RAPSN: variants seen among roughly 807,000 people sequenced by gnomAD.
The protein encoded by RAPSN is receptor associated protein of the synapse.
RAPSN carries 33 observed loss-of-function variants against 45.7 expected under a neutral mutation model. The observed-to-expected ratio is 0.72, with a 90% CI of 0.55 to 0.97. RAPSN has a LOEUF of 0.97. Among genes scored for constraint, RAPSN ranks in the 50% least tolerant of loss-of-function variants. The pLI, the probability that RAPSN is intolerant of heterozygous loss-of-function variation, is 0.00. For synonymous variants in RAPSN, 244 were observed against 233.6 expected (o/e 1.04, Z -0.40); for missense variants, 519 against 559.4 (o/e 0.93, Z 0.73).
At chr11:47,442,345 G>C (rs780452896) in intron 3 of RAPSN, among the ~76,000 whole-genome samples, 1 of 152,178 alleles carries the variant, frequency 6.6e-6, no homozygotes, top group Non-Finnish European at 1.5e-5. Flanking sequence ...TTCAGCTGTA[G>C]AGAACTCATC....
intron 6 of RAPSN, 119 bp downstream of exon 6, chr11:47,441,040 C>A: frequency 7.7e-7 from 1 of 1,298,714 alleles, no homozygotes; most frequent in South Asian, 1.2e-5. Context: ...TGGCTGCAGG[C>A]AGCTCCCAGC....
intron 2 of RAPSN, among the ~76,000 whole-genome samples, chr11:47,447,403 G>A (rs2076415678): frequency 6.6e-6 from 1 of 152,182 alleles, no homozygotes; most frequent in African/African-American, 2.4e-5. Context: ...TTGGGATACA[G>A]TAGCTGGTCA....
rs2153311355 is a variant in RAPSN, at chr11:47,448,092, T to G, written c.251A>C (p.Glu84Ala). The stretch of plus-strand genomic sequence containing the variant: ...GCTGCGTGCCAGGTTCAGGTAGCTC[T>G]CCAGGAGGAAGTCGGCATCCTCCAG... ...RELEDADFLL[E>A]SYLNLARSNE... The change falls in exon 2 of 8, where the codon GAG becomes GCG. Residue 84 changes from glutamate (E) to alanine (A), a missense_variant. Coordinates refer to ENST00000298854, the MANE Select transcript of RAPSN (RefSeq NM_005055.5). 6.2e-7 allele frequency: 1 copy of G among 1,613,908 alleles called. No homozygotes were observed. The highest frequency in any genetic ancestry group is 2.2e-5 in the East Asian group (1 of 44,876).
At chr11:47,438,969 G>T in intron 6 of RAPSN, 38 bp from the exon 7 acceptor site, 1 of 1,545,196 alleles carries the variant, frequency 6.5e-7, no homozygotes, top group South Asian at 1.2e-5. Flanking sequence ...AGTGGGGGAT[G>T]AGAACAAAGT....
chr11:47,448,132 C>A lies in RAPSN; in HGVS notation c.211G>T (p.Asp71Tyr). 6.2e-7 allele frequency: 1 copy of A among 1,612,304 alleles called. No homozygotes were observed. Among genetic ancestry groups the A allele is most frequent in the South Asian group, 1.1e-5 (1 of 91,054 alleles). The stretch of plus-strand genomic sequence containing the variant: ...GCATCCTCCAGCTCCCGGGCCGTGT[C>A]GATCTGGACCACAGCGAACTGCACA... ...EMLKFAVVQI[D>Y]TARELEDADF... Residue 71 changes from aspartate (D) to tyrosine (Y), a missense_variant, in exon 2 of 8, where the codon GAC becomes TAC. By Grantham distance (160) the Asp-to-Tyr change is radical. Coordinates refer to ENST00000298854, the MANE Select transcript of RAPSN (RefSeq NM_005055.5).
intron 2 of RAPSN, among the ~76,000 whole-genome samples, 193 bp from the exon 3 acceptor site, chr11:47,443,007 T>C (rs751194439): frequency 1.3e-4 from 20 of 152,356 alleles, no homozygotes; most frequent in Middle Eastern, 3.4e-3. Context: ...CTCTGTGGAC[T>C]CAGGGATTCT....
chr11:47,438,853 C>T lies in RAPSN; in HGVS notation c.1045G>A (p.Val349Ile), dbSNP rs769989687. Residue 349 changes from valine (V) to isoleucine (I), a missense_variant, in exon 7 of 8, where the codon GTT becomes ATT. Coordinates refer to ENST00000298854, the MANE Select transcript of RAPSN (RefSeq NM_005055.5). Reference protein sequence around the residue: ...KGLQRELRAHVVRFHECVEET... With the variant: ...KGLQRELRAHIVRFHECVEET... ...TCCACGCACTCGTGGAACCTCACAA[C>T]GTGCGCCCGCAGTTCCCGCTGCAGC... 9.6e-6 allele frequency: 15 copies of T among 1,570,060 alleles called. No individual in the cohort carries two copies. The highest frequency in any genetic ancestry group is 2.3e-5 in the East Asian group (1 of 42,914).
At chr11:47,447,757 A>G in intron 2 of RAPSN, 55 bp downstream of exon 2, 1 of 1,544,098 alleles carries the variant, frequency 6.5e-7, no homozygotes, top group Non-Finnish European at 8.8e-7. Flanking sequence ...TGTGTGCCTC[A>G]TGAGAGGGGA....
chr11:47,438,660 T>TA (rs773554452), intron 7 of RAPSN, 72 bp downstream of exon 7: 1 of 1,523,792 alleles, frequency 6.6e-7, no homozygotes, highest in South Asian at 1.2e-5. Context: ...TTGCTGTGAT[T>TA]AAGCCAGCTG....
rs1249883366 is a variant in RAPSN, at chr11:47,441,111, C to T, written c.966+48G>A. On this transcript the variant is annotated intron_variant, in intron 6 of 7. Transcript: ENST00000298854. ...AGGCCCTTCCCCAGACCCAAGTTCC[C>T]CACTTGGGCCCTTGACCCCAGATCC... 1.9e-6 allele frequency: 3 copies of T among 1,610,660 alleles called. No homozygotes were observed. The African/African-American group carries it at 4.0e-5, about 21-fold the overall frequency.
chr11:47,438,339 G>A, intron 7 of RAPSN: 1 of 575,896 alleles, frequency 1.7e-6, no homozygotes, highest in East Asian at 2.9e-5. Flanking sequence ...TGACCTTTGA[G>A]GGGCCTCTCT....
chr11:47,447,570 G>C (rs536902791), intron 2 of RAPSN, among the ~76,000 whole-genome samples: 3 of 152,186 alleles, frequency 2.0e-5, no homozygotes, highest in Non-Finnish European at 4.4e-5. Context: ...TGTCCTCACA[G>C]AGGAGCCTCC....
At chr11:47,442,239 A>C (rs906434485) in intron 3 of RAPSN, among the ~76,000 whole-genome samples, 50 of 152,280 alleles carry the variant, frequency 3.3e-4, no homozygotes, top group Non-Finnish European at 6.0e-4. Context: ...TACCCCATAT[A>C]GGGTGTTGGG....
intron 2 of RAPSN, among the ~76,000 whole-genome samples, chr11:47,445,938 T>G (rs1481629032): frequency 6.6e-6 from 1 of 151,994 alleles, no homozygotes; most frequent in Non-Finnish European, 1.5e-5. Context: ...GCTTTTTTTT[T>G]TTTTCTCTCA....
chr11:47,441,854 G>T lies in RAPSN; in HGVS notation c.758C>A (p.Ala253Asp). ...PLQALCLLCF[A>D]DIHRSRGDLE... ...GTCCCCACGGCTCCGGTGGATGTCA[G>T]CGAAGCAGAGCAGGCAGAGCGCCTG... is the stretch of plus-strand genomic sequence containing the variant. Residue 253 changes from alanine to aspartate, a missense_variant, in exon 4 of 8, where the codon GCT (alanine) becomes GAT (aspartate). Coordinates refer to ENST00000298854, the MANE Select transcript of RAPSN (RefSeq NM_005055.5). 1 of 1,593,450 alleles carries T rather than the reference G, an allele frequency of 6.3e-7. No individual in the cohort carries two copies.
At position 47,441,817 on chromosome 11, in the gene RAPSN, C is replaced by A; in HGVS notation, c.789+6G>T. 6.4e-7 allele frequency: 1 copy of A among 1,563,388 alleles called. No individual in the cohort carries two copies. On this transcript the variant is annotated splice_donor_region_variant and intron_variant, in intron 4 of 7. Transcript: ENST00000298854. ...GCCCCCAGCCCCTGCATCCCGGTGACCTCACCTCCAGGTCCCCACGGCTCC... is the reference window on the plus strand; with the variant it reads ...GCCCCCAGCCCCTGCATCCCGGTGAACTCACCTCCAGGTCCCCACGGCTCC...
In RAPSN at chr11:47,446,910, C is replaced by T. The variant is rs554737017; in HGVS notation, c.531+902G>A. ...ACAAGAGCAAAACTCCGCCCCTGCCCCCGCCAAAAAATACCCAGGATCAGA... is the reference window on the plus strand; with the variant it reads ...ACAAGAGCAAAACTCCGCCCCTGCCTCCGCCAAAAAATACCCAGGATCAGA... On this transcript the variant is annotated intron_variant, in intron 2 of 7. Transcript: ENST00000298854. 2.6e-5 allele frequency among the ~76,000 whole-genome samples: 4 copies of T among 152,138 alleles called. No individual in the cohort carries two copies. The East Asian group carries it at 7.7e-4, about 29-fold the overall frequency.
Position 47,437,954 on chromosome 11 carries a change from G to A in RAPSN, c.*21C>T, listed in dbSNP as rs1459137609. 12 of 1,550,606 alleles carry A rather than the reference G, an allele frequency of 7.7e-6. No homozygotes were observed. The highest frequency in any genetic ancestry group is 1.0e-5 in the Non-Finnish European group (12 of 1,146,718). ...AAAGAGCAGGAGTGGCGAGGAGGAA[G>A]CCCACGCCTGCTGCCAGGAGTCATA... is the stretch of plus-strand genomic sequence containing the variant. On this transcript the variant is annotated 3_prime_UTR_variant, in exon 8 of 8. Coordinates refer to ENST00000298854, the MANE Select transcript of RAPSN (RefSeq NM_005055.5).
At chr11:47,446,430 CT>C (rs984458972) in intron 2 of RAPSN, among the ~76,000 whole-genome samples, 12 of 152,264 alleles carry the variant, frequency 7.9e-5, no homozygotes, top group African/African-American at 2.9e-4. Context: ...CTTACATCTG[CT>C]TCCTAAAAAC....
Sources: allele counts gnomAD v4.1 joint callset (sites outside exome capture counted in the v4.1 genomes callset), GRCh38; gene constraint gnomAD v4.1.1; transcripts MANE v1.5; gene names NCBI Gene and HGNC (gene_info 2026-07-23, HGNC 2026-07-21).